Variants in NXPE2 observed in about 807,000 individuals in gnomAD.
NXPE2 encodes the protein NXPE family member 2.
A neutral mutation model predicts 34.4 loss-of-function variants in NXPE2; 34 were observed. The ratio of observed to expected loss-of-function variants is 0.99; its 90% CI spans 0.75 to 1.31. The LOEUF (loss-of-function observed/expected upper bound fraction) is 1.31, where lower values mean the gene tolerates loss of function less well. Ranked by LOEUF, NXPE2 falls within the 40% of genes most tolerant of loss-of-function variation. The probability of loss-of-function intolerance (pLI) is 0.00; values close to 1 mark genes in which losing one functional copy is unlikely to be tolerated. For missense variants in NXPE2, 649 were observed against 672.5 expected, an observed-to-expected ratio of 0.97 and a Z score of 0.39; for synonymous variants, 235 against 231.3, an observed-to-expected ratio of 1.02 and a Z score of -0.15.
the NXPE2 span, among the ~76,000 whole-genome samples, chr11:114,653,365 GTT>G: frequency 6.6e-6 from 1 of 152,040 alleles, no homozygotes; most frequent in Non-Finnish European, 1.5e-5. Context: ...AAGCTCAACG[GTT>G]TTGTTGTATA....
chr11:114,709,973 A>T (rs1432044577), downstream of NXPE2, among the ~76,000 whole-genome samples: 1 of 152,116 alleles, frequency 6.6e-6, no homozygotes, highest in Non-Finnish European at 1.5e-5. Flanking sequence ...AATATTTAGA[A>T]ATTAAACATT....
At chr11:114,539,438 A>G in the NXPE2 span, among the ~76,000 whole-genome samples, 3 of 152,110 alleles carry the variant, frequency 2.0e-5, no homozygotes, top group Admixed American at 1.3e-4. Flanking sequence ...TATAATAATA[A>G]CAAAGAAAAT....
At chr11:114,652,086 T>C in the NXPE2 span, among the ~76,000 whole-genome samples, 1 of 152,190 alleles carries the variant, frequency 6.6e-6, no homozygotes, top group Non-Finnish European at 1.5e-5. Flanking sequence ...ACACCAATAC[T>C]TAAATTTTTT....
At chr11:114,469,635 A>AC in the NXPE2 span, among the ~76,000 whole-genome samples, 3,517 of 145,856 alleles carry the variant, frequency 0.024, 141 homozygotes, top group African/African-American at 0.079. Context: ...GATTACATGC[A>AC]CCCCCCCCAC....
At chr11:114,613,406 G>A in the NXPE2 span, among the ~76,000 whole-genome samples, 5 of 147,400 alleles carry the variant, frequency 3.4e-5, no homozygotes, top group African/African-American at 1.3e-4. Flanking sequence ...GGGTGGGTAA[G>A]CACTGTTACC....
the NXPE2 span, among the ~76,000 whole-genome samples, chr11:114,640,151 ATAT>A: frequency 1.4e-4 from 11 of 80,122 alleles, no homozygotes; most frequent in Non-Finnish European, 1.8e-4. Context: ...AATATATGAT[ATAT>A]TAATAATATA....
At chr11:114,509,891 TAACA>T in the NXPE2 span, among the ~76,000 whole-genome samples, 1 of 152,152 alleles carries the variant, frequency 6.6e-6, no homozygotes, top group East Asian at 1.9e-4. Context: ...CTTACCTATG[TAACA>T]AACCTGCACA....
At chr11:114,489,415 T>G in the NXPE2 span, among the ~76,000 whole-genome samples, 1,983 of 152,238 alleles carry the variant, frequency 0.013, 47 homozygotes, top group African/African-American at 0.046. Context: ...AAAAGAGAAT[T>G]TTAGACCAAT....
chr11:114,589,123 G>C, the NXPE2 span, among the ~76,000 whole-genome samples: 3 of 152,116 alleles, frequency 2.0e-5, no homozygotes, highest in African/African-American at 4.8e-5. Context: ...CTTTAAAAAG[G>C]ATATCCAGGA....
chr11:114,787,531 A>C, the NXPE2 span, among the ~76,000 whole-genome samples: 20 of 152,210 alleles, frequency 1.3e-4, no homozygotes, highest in Non-Finnish European at 4.4e-5. Context: ...GGATTTGAGC[A>C]GGGGCTATAG....
At chr11:114,615,125 G>A in the NXPE2 span, among the ~76,000 whole-genome samples, 1 of 152,086 alleles carries the variant, frequency 6.6e-6, no homozygotes, top group African/African-American at 2.4e-5. Flanking sequence ...GTTAACAGGT[G>A]CATAATAAGT....
the NXPE2 span, among the ~76,000 whole-genome samples, chr11:114,803,587 T>TC: frequency 6.6e-6 from 1 of 151,622 alleles, no homozygotes; most frequent in African/African-American, 2.4e-5. Flanking sequence ...TCTCTCTCTT[T>TC]TTTTTTTTGA....
chr11:114,626,775 A>T, the NXPE2 span, among the ~76,000 whole-genome samples: 13,985 of 152,170 alleles, frequency 0.092, 762 homozygotes, highest in Middle Eastern at 0.2. Context: ...CTTTGAAAAA[A>T]ATTTAGAATA....
At chr11:114,693,246 T>A (rs1162775880) in intron 2 of NXPE2, among the ~76,000 whole-genome samples, 2 of 152,208 alleles carry the variant, frequency 1.3e-5, no homozygotes, top group African/African-American at 4.8e-5. Flanking sequence ...GGAAACCTTC[T>A]TCTTGCCCCA....
chr11:114,650,442 C>T, the NXPE2 span, among the ~76,000 whole-genome samples: 1 of 152,166 alleles, frequency 6.6e-6, no homozygotes, highest in Non-Finnish European at 1.5e-5. Context: ...TGAGAGGGTA[C>T]TCCTATTTGG....
chr11:114,643,131 A>T, the NXPE2 span, among the ~76,000 whole-genome samples: 2 of 151,844 alleles, frequency 1.3e-5, no homozygotes, highest in African/African-American at 4.8e-5. Context: ...TGTAAATTTA[A>T]GTTCTTTGTA....
chr11:114,802,914 G>A, the NXPE2 span, among the ~76,000 whole-genome samples: 146,393 of 152,154 alleles, frequency 0.96, 70,682 homozygotes, highest in Middle Eastern at 1. Context: ...AAAAAAAAAC[G>A]GAGAATTAGG....
At chr11:114,657,288 C>T in the NXPE2 span, among the ~76,000 whole-genome samples, 1 of 152,026 alleles carries the variant, frequency 6.6e-6, no homozygotes, top group African/African-American at 2.4e-5. Context: ...CCAGGGGTCC[C>T]CTTGGGAGAT....
the NXPE2 span, among the ~76,000 whole-genome samples, chr11:114,771,703 C>T: frequency 6.6e-6 from 1 of 152,182 alleles, no homozygotes; most frequent in African/African-American, 2.4e-5. Context: ...ACCCTCTGTC[C>T]TCTCCTATCT....
Sources: allele counts gnomAD v4.1 joint callset (sites outside exome capture counted in the v4.1 genomes callset), GRCh38; gene constraint gnomAD v4.1.1; transcripts MANE v1.5; gene names NCBI Gene and HGNC (gene_info 2026-07-23, HGNC 2026-07-21).